SSH2: variants seen among roughly 807,000 people sequenced by gnomAD.
The protein encoded by SSH2 is slingshot protein phosphatase 2, also known as protein phosphatase Slingshot homolog 2.
SSH2 carries 37 observed loss-of-function variants against 135.2 expected under a neutral mutation model. The observed-to-expected ratio is 0.27, with a 90% CI of 0.21 to 0.36. The LOEUF (loss-of-function observed/expected upper bound fraction) is 0.36, where lower values mean the gene tolerates loss of function less well. Among genes scored for constraint, SSH2 ranks in the 10% least tolerant of loss-of-function variants. SSH2 has a pLI of 1.00. For synonymous variants in SSH2, 628 were observed against 646.2 expected (o/e 0.97, Z 0.43); for missense variants, 1,408 against 1,765.3 (o/e 0.80, Z 3.63).
At chr17:29,731,414 ATTTTTTAT>A (rs758271810) in intron 3 of SSH2, among the ~76,000 whole-genome samples, 9,568 of 115,268 alleles carry the variant, frequency 0.083, 454 homozygotes, top group Middle Eastern at 0.12. Context: ...TAGCAGAAGT[ATTTTTTAT>A]TTATTTATTT....
intron 3 of SSH2, among the ~76,000 whole-genome samples, chr17:29,711,413 G>A (rs2039427483): frequency 6.6e-6 from 1 of 152,194 alleles, no homozygotes; most frequent in South Asian, 2.1e-4. Context: ...CATTTTGAAT[G>A]TTCACTTACT....
At chr17:29,799,915 C>T (rs566997994) in intron 2 of SSH2, among the ~76,000 whole-genome samples, 1 of 152,290 alleles carries the variant, frequency 6.6e-6, no homozygotes, top group South Asian at 2.1e-4. Flanking sequence ...TGCATCTAAA[C>T]TAAAAATCTT....
intron 4 of SSH2, among the ~76,000 whole-genome samples, 190 bp downstream of exon 4, chr17:29,702,769 A>C (rs2039039056): frequency 6.6e-6 from 1 of 152,216 alleles, no homozygotes; most frequent in Non-Finnish European, 1.5e-5. Context: ...AACATCTACT[A>C]TGTGTAAAAG....
At chr17:29,652,081 G>A (rs1006977402) in intron 12 of SSH2, among the ~76,000 whole-genome samples, 3 of 152,162 alleles carry the variant, frequency 2.0e-5, no homozygotes, top group Non-Finnish European at 4.4e-5. Context: ...GGCGGAGGTT[G>A]CAGTGAGTCG....
chr17:29,795,423 A>G (rs1193725022), intron 2 of SSH2, among the ~76,000 whole-genome samples: 4 of 152,212 alleles, frequency 2.6e-5, no homozygotes, highest in Admixed American at 2.6e-4. Flanking sequence ...TTCCAGAAGG[A>G]GTACAGGTAG....
chr17:29,726,830 T>A (rs1308596631), intron 3 of SSH2, among the ~76,000 whole-genome samples: 2 of 152,232 alleles, frequency 1.3e-5, no homozygotes, highest in East Asian at 3.8e-4. Flanking sequence ...GGCTATTGCC[T>A]TTCATACCAT....
intron 2 of SSH2, among the ~76,000 whole-genome samples, chr17:29,815,249 G>C (rs536898482): frequency 1.3e-5 from 2 of 150,662 alleles, no homozygotes; most frequent in Admixed American, 6.7e-5. Flanking sequence ...TCAGCCTCCC[G>C]AGTAGCTGGG....
chr17:29,646,464 T>C (rs1203651684), intron 14 of SSH2, among the ~76,000 whole-genome samples: 1 of 152,172 alleles, frequency 6.6e-6, no homozygotes, highest in Non-Finnish European at 1.5e-5. Flanking sequence ...TTTTTCCTTT[T>C]GCAATTTTCT....
intron 13 of SSH2, 28 bp downstream of exon 13, chr17:29,650,626 C>A (rs1194777385): frequency 1.9e-6 from 3 of 1,586,774 alleles, no homozygotes; most frequent in Non-Finnish European, 2.6e-6. Flanking sequence ...GAACAGAGAT[C>A]ACAACATTGT....
At chr17:29,868,005 G>T (rs139995676) in intron 1 of SSH2, among the ~76,000 whole-genome samples, 4 of 152,228 alleles carry the variant, frequency 2.6e-5, no homozygotes, top group Non-Finnish European at 5.9e-5. Flanking sequence ...CTGTAACAAG[G>T]TCATTTTGTA....
At chr17:29,905,698 C>T (rs1464243388) in intron 1 of SSH2, among the ~76,000 whole-genome samples, 3 of 152,146 alleles carry the variant, frequency 2.0e-5, no homozygotes. Context: ...CTGGTAAGGT[C>T]CCTCCCTCAG....
chr17:29,649,758 TGG>T (rs2036519462), intron 13 of SSH2, among the ~76,000 whole-genome samples: 1 of 152,140 alleles, frequency 6.6e-6, no homozygotes. Flanking sequence ...ATGCCATGAA[TGG>T]TATTATTACT....
chr17:29,904,125 G>C (rs1330343343), intron 1 of SSH2, among the ~76,000 whole-genome samples: 3 of 152,092 alleles, frequency 2.0e-5, no homozygotes, highest in Non-Finnish European at 4.4e-5. Context: ...AATTGAAAAG[G>C]AAAGACTCCT....
chr17:29,724,544 AAAC>A (rs1290288083), intron 3 of SSH2, among the ~76,000 whole-genome samples: 1 of 149,844 alleles, frequency 6.7e-6, no homozygotes, highest in Non-Finnish European at 1.5e-5. Context: ...AAAAAAAAAA[AAAC>A]AAAACCCTAT....
intron 1 of SSH2, among the ~76,000 whole-genome samples, chr17:29,889,044 A>G (rs959360271): frequency 6.6e-6 from 1 of 150,644 alleles, no homozygotes; most frequent in South Asian, 2.1e-4. Context: ...TAGTTTTCTT[A>G]AAAAAAAATG....
chr17:29,758,874 G>C (rs1432684021), intron 3 of SSH2, among the ~76,000 whole-genome samples: 1 of 150,972 alleles, frequency 6.6e-6, no homozygotes, highest in Non-Finnish European at 1.5e-5. Context: ...TCAGCCTCCT[G>C]AGTAGCTGGG....
intron 5 of SSH2, among the ~76,000 whole-genome samples, chr17:29,690,437 C>T (rs2038420258): frequency 6.7e-6 from 1 of 149,954 alleles, no homozygotes; most frequent in Non-Finnish European, 1.5e-5. Context: ...AATTTCTTTA[C>T]ACCAAGAGTC....
At chr17:29,676,563 T>C in intron 8 of SSH2, 1 of 406,136 alleles carries the variant, frequency 2.5e-6, no homozygotes, top group Non-Finnish European at 4.5e-6. Flanking sequence ...CTGGCTTATC[T>C]AAACCGTTAA....
intron 3 of SSH2, among the ~76,000 whole-genome samples, chr17:29,739,734 T>C (rs1531553): frequency 0.44 from 67,416 of 151,974 alleles, 15,313 homozygotes; most frequent in Non-Finnish European, 0.49. Flanking sequence ...TCTAATCTAA[T>C]TGACTTCCCA....
Sources: gnomAD v4.1 joint callset for allele counts (sites outside exome capture counted in the v4.1 genomes callset) on GRCh38, gnomAD v4.1.1 for gene constraint, MANE v1.5 for transcripts, NCBI Gene and HGNC (gene_info 2026-07-23, HGNC 2026-07-21) for gene names.